ERC1: variants seen among roughly 807,000 people sequenced by gnomAD.
The protein encoded by ERC1 is RAB6 interacting protein 2.
Under a neutral mutation model 132.0 loss-of-function variants are expected in ERC1, and 56 were observed. The ratio of observed to expected loss-of-function variants is 0.42; its 90% CI spans 0.34 to 0.53. The LOEUF is 0.53. Among genes scored for constraint, ERC1 ranks in the 20% least tolerant of loss-of-function variants. The pLI, the probability that ERC1 is intolerant of heterozygous loss-of-function variation, is 0.03. For missense variants in ERC1, 1,202 were observed against 1,349.9 expected (o/e 0.89, Z 1.72); for synonymous variants, 478 against 476.1 (o/e 1.00, Z -0.05).
At chr12:1,395,705 G>A (rs78635188) in intron 16 of ERC1, among the ~76,000 whole-genome samples, 1,780 of 152,106 alleles carry the variant, frequency 0.012, 30 homozygotes, top group African/African-American at 0.037. Context: ...CCATGCAAGC[G>A]TTTCTAAGGA....
chr12:1,039,154 G>A (rs1969681516), intron 2 of ERC1, among the ~76,000 whole-genome samples: 1 of 151,916 alleles, frequency 6.6e-6, no homozygotes, highest in Non-Finnish European at 1.5e-5. Context: ...GGCTAACATG[G>A]TGAAACCCTG....
chr12:990,173 T>G (rs1959168327), upstream of ERC1: 1 of 152,168 alleles, frequency 6.6e-6, no homozygotes, highest in Non-Finnish European at 1.5e-5. Flanking sequence ...TTAATTACGG[T>G]GGCGGAGGTA....
chr12:1,001,254 T>C (rs1442859411), intron 1 of ERC1, among the ~76,000 whole-genome samples: 1 of 152,212 alleles, frequency 6.6e-6, no homozygotes, highest in African/African-American at 2.4e-5. Context: ...TATTGAGTTT[T>C]GGTTTTTTGT....
At chr12:1,357,183 G>A (rs796426799) in intron 15 of ERC1, among the ~76,000 whole-genome samples, 46 of 152,232 alleles carry the variant, frequency 3.0e-4, no homozygotes, top group African/African-American at 1.1e-3. Flanking sequence ...TCTATGTAAC[G>A]CTGGCTATTT....
At chr12:1,340,717 C>T (rs1010102470) in intron 15 of ERC1, among the ~76,000 whole-genome samples, 38 of 152,228 alleles carry the variant, frequency 2.5e-4, no homozygotes, top group African/African-American at 7.2e-4. Flanking sequence ...CTCGGTTTCT[C>T]GCTGGCAGCT....
intron 2 of ERC1, among the ~76,000 whole-genome samples, chr12:1,037,723 G>A (rs1303842778): frequency 6.6e-6 from 1 of 152,028 alleles, no homozygotes; most frequent in East Asian, 1.9e-4. Flanking sequence ...TTTAAATTTT[G>A]GCTGCAAGGA....
At chr12:1,441,808 A>G (rs1490591533) in intron 17 of ERC1, among the ~76,000 whole-genome samples, 2 of 152,244 alleles carry the variant, frequency 1.3e-5, no homozygotes, top group African/African-American at 4.8e-5. Context: ...GTGTAGTAAC[A>G]GAACCGTGAT....
At chr12:1,258,037 T>C (rs11830411) in intron 13 of ERC1, among the ~76,000 whole-genome samples, 7,763 of 152,208 alleles carry the variant, frequency 0.051, 446 homozygotes, top group African/African-American at 0.15. Flanking sequence ...GGCTTCTGCA[T>C]TGGACAGTAC....
intron 2 of ERC1, among the ~76,000 whole-genome samples, chr12:1,029,164 C>CGA (rs1967500325): frequency 6.6e-6 from 1 of 151,920 alleles, no homozygotes; most frequent in Non-Finnish European, 1.5e-5. Flanking sequence ...ACCAGCCTGG[C>CGA]GACGTGGTGA....
At chr12:1,157,313 C>A (rs1257421715) in intron 8 of ERC1, among the ~76,000 whole-genome samples, 3 of 152,212 alleles carry the variant, frequency 2.0e-5, no homozygotes, top group African/African-American at 7.2e-5. Flanking sequence ...CCATGTGGCC[C>A]AGGCTGGCCT....
At chr12:1,445,755 A>C (rs1340692022) in intron 18 of ERC1, among the ~76,000 whole-genome samples, 1 of 152,212 alleles carries the variant, frequency 6.6e-6, no homozygotes, top group Non-Finnish European at 1.5e-5. Context: ...TTTATAAGGG[A>C]GAAGGCTAAG....
At chr12:1,204,040 T>A (rs1477113184) in intron 12 of ERC1, 3 of 153,422 alleles carry the variant, frequency 2.0e-5, no homozygotes, top group African/African-American at 7.2e-5. Context: ...CTTTTGCTTT[T>A]AGATAACTTG....
chr12:1,007,614 A>C (rs1409435275), intron 1 of ERC1, among the ~76,000 whole-genome samples: 8 of 151,388 alleles, frequency 5.3e-5, no homozygotes, highest in Admixed American at 3.3e-4. Flanking sequence ...GGGAGGAAGA[A>C]GACTAAAGTG....
intron 15 of ERC1, among the ~76,000 whole-genome samples, chr12:1,339,527 C>T (rs1159668077): frequency 5.5e-5 from 8 of 145,998 alleles, no homozygotes; most frequent in Admixed American, 3.4e-4. Flanking sequence ...GGGTGCCCGC[C>T]CCCATGTAGG....
chr12:1,081,919 G>A (rs992911766), intron 2 of ERC1, among the ~76,000 whole-genome samples: 1 of 152,082 alleles, frequency 6.6e-6, no homozygotes, highest in Non-Finnish European at 1.5e-5. Context: ...CATAAAAAAT[G>A]TGTGGTACAA....
intron 1 of ERC1, among the ~76,000 whole-genome samples, chr12:991,994 C>T (rs1959542894): frequency 6.6e-6 from 1 of 150,832 alleles, no homozygotes; most frequent in African/African-American, 2.4e-5. Context: ...GGTGGGGGGT[C>T]GGAGAGGGAA....
chr12:1,422,994 T>A (rs1468550847), intron 17 of ERC1, among the ~76,000 whole-genome samples: 1 of 152,206 alleles, frequency 6.6e-6, no homozygotes, highest in Non-Finnish European at 1.5e-5. Context: ...AAACTCAGCG[T>A]AATTTTGGTT....
intron 15 of ERC1, among the ~76,000 whole-genome samples, chr12:1,336,221 C>T (rs143819278): frequency 3.6e-3 from 548 of 151,354 alleles, no homozygotes; most frequent in African/African-American, 0.013. Context: ...CTCATTGATC[C>T]TTTATATGGG....
At chr12:1,406,633 T>C (rs1191650731) in intron 16 of ERC1, among the ~76,000 whole-genome samples, 2 of 152,214 alleles carry the variant, frequency 1.3e-5, no homozygotes, top group Middle Eastern at 3.2e-3. Context: ...TTGTTTGTAC[T>C]TTATTTTTTA....
Sources: allele counts gnomAD v4.1 joint callset (sites outside exome capture counted in the v4.1 genomes callset), GRCh38; gene constraint gnomAD v4.1.1; transcripts MANE v1.5; gene names NCBI Gene and HGNC (gene_info 2026-07-23, HGNC 2026-07-21).